Variants in BTRC observed in about 807,000 individuals in gnomAD.
The protein encoded by BTRC is F-box/WD repeat-containing protein 1A.
In BTRC, 42 loss-of-function variants were observed where a neutral mutation model predicts 85.5. The observed-to-expected ratio is 0.49, with a 90% CI of 0.38 to 0.64. BTRC has a LOEUF of 0.64. BTRC is among the 30% of genes least tolerant of loss of function. The probability of loss-of-function intolerance (pLI) is 0.00; values close to 1 mark genes in which losing one functional copy is unlikely to be tolerated. For missense variants in BTRC, 594 were observed against 743.5 expected (o/e 0.80, Z 2.34); for synonymous variants, 255 against 263.3 (o/e 0.97, Z 0.30).
chr10:101,544,531 C>T (rs1304015798), intron 13 of BTRC, among the ~76,000 whole-genome samples: 7 of 151,862 alleles, frequency 4.6e-5, no homozygotes, highest in Admixed American at 4.6e-4. Flanking sequence ...TGACAGCTTC[C>T]CACATAGCTG....
chr10:101,520,829 G>A (rs999704839), intron 4 of BTRC, among the ~76,000 whole-genome samples: 1 of 152,080 alleles, frequency 6.6e-6, no homozygotes, highest in African/African-American at 2.4e-5. Flanking sequence ...GTGGTGGTGG[G>A]CACCTGTAGT....
At chr10:101,503,420 A>C (rs1403519234) in intron 4 of BTRC, among the ~76,000 whole-genome samples, 1 of 152,194 alleles carries the variant, frequency 6.6e-6, no homozygotes, top group Admixed American at 6.5e-5. Flanking sequence ...TGAAATCTGA[A>C]CTTTACTAAC....
At chr10:101,416,355 C>T (rs1234516810) in intron 1 of BTRC, among the ~76,000 whole-genome samples, 1 of 152,018 alleles carries the variant, frequency 6.6e-6, no homozygotes, top group Non-Finnish European at 1.5e-5. Flanking sequence ...GCTTTGAATG[C>T]TTCGTAATTA....
chr10:101,429,525 TTCC>T lies in BTRC; in HGVS notation c.49-800_49-798del, dbSNP rs751713820. Reference sequence around the variant, plus strand: ...CCCCTCCCCCCCTCCCCTCCCTCCCTTCCTCCTCCTCCTCCTCCTCCTTTTTCT... The same window carrying T: ...CCCCTCCCCCCCTCCCCTCCCTCCCTTCCTCCTCCTCCTCCTCCTTTTTCT... On this transcript the variant is annotated intron_variant, in intron 1 of 14. Coordinates refer to ENST00000370187, the MANE Select transcript of BTRC (RefSeq NM_033637.4). Among the ~76,000 whole-genome samples, 478 of 71,136 alleles carry T rather than the reference TTCC, an allele frequency of 6.7e-3. 7 individuals are homozygous for T. Among genetic ancestry groups the T allele is most frequent in the African/African-American group, 0.022 (403 of 18,060 alleles). The allele number at this position is 71,136 out of a possible 152,430, so 46.7% of individuals were successfully genotyped here.
chr10:101,450,443 G>A (rs1944930438), intron 2 of BTRC, among the ~76,000 whole-genome samples: 1 of 152,126 alleles, frequency 6.6e-6, no homozygotes, highest in Non-Finnish European at 1.5e-5. Context: ...GTCACTCCCT[G>A]GTGCAGTTCA....
chr10:101,358,825 C>A (rs1942117617), intron 1 of BTRC, among the ~76,000 whole-genome samples: 1 of 152,210 alleles, frequency 6.6e-6, no homozygotes. Flanking sequence ...CACTGTGGGT[C>A]AAAGCCAGTC....
chr10:101,413,769 A>C (rs1943849135), intron 1 of BTRC, among the ~76,000 whole-genome samples: 1 of 152,214 alleles, frequency 6.6e-6, no homozygotes, highest in South Asian at 2.1e-4. Context: ...CTTTGTTTCT[A>C]ATCTTCTCTT....
chr10:101,499,271 C>T (rs1440549505), intron 4 of BTRC, among the ~76,000 whole-genome samples: 1 of 151,644 alleles, frequency 6.6e-6, no homozygotes, highest in Middle Eastern at 3.2e-3. Context: ...ACAGGAGTCT[C>T]GTTCTGTCGG....
In BTRC at chr10:101,555,392, G is replaced by A. The variant is rs1271219039; in HGVS notation, c.*2269G>A. The A allele has an allele frequency of 6.6e-6, 1 of 152,666 alleles. No individual in the cohort carries two copies. Among genetic ancestry groups the A allele is most frequent in the Non-Finnish European group, 1.5e-5 (1 of 68,046 alleles). 9.5% of individuals were successfully genotyped at this position (152,666 alleles called of 1,614,324 possible). A position where few individuals can be genotyped will look rare whatever the true frequency, so the allele number is the denominator to read the frequency against. ...TGTTTCTAAGACTGTTTTGAGACAT[G>A]TCCAGTACATCACAAAGGAGATCGG... On this transcript the variant is annotated 3_prime_UTR_variant, in exon 15 of 15. Coordinates refer to ENST00000370187, the MANE Select transcript of BTRC (RefSeq NM_033637.4).
chr10:101,364,704 G>T (rs1942312380), intron 1 of BTRC: 1 of 152,042 alleles, frequency 6.6e-6, no homozygotes. Flanking sequence ...CTGTTAATGT[G>T]GTTATTTGTG....
At chr10:101,389,610 CTTTTTTTTT>C (rs34480405) in intron 1 of BTRC, among the ~76,000 whole-genome samples, 8 of 62,520 alleles carry the variant, frequency 1.3e-4, no homozygotes, top group Admixed American at 4.9e-4. Context: ...TGCCAAACAC[CTTTTTTTTT>C]TTTTTTTTTT....
rs759986126 is a variant in BTRC, at chr10:101,555,576, A to G, written c.*2453A>G. ...GGGGTCATTTACCAGTTTGTTGTAG[A>G]AGAAATAATCAGGTAAGTTAAAAGT... On this transcript the variant is annotated 3_prime_UTR_variant, in exon 15 of 15. Transcript: ENST00000370187. 2.0e-5 allele frequency: 3 copies of G among 152,578 alleles called. No homozygotes were observed. Among genetic ancestry groups the G allele is most frequent in the Non-Finnish European group, 4.4e-5 (3 of 68,042 alleles). The allele number at this position is 152,578 out of a possible 1,614,324, so 9.5% of individuals were successfully genotyped here.
At chr10:101,358,033 AAAACACAC>A (rs1262734961) in intron 1 of BTRC, among the ~76,000 whole-genome samples, 1 of 152,168 alleles carries the variant, frequency 6.6e-6, no homozygotes, top group Admixed American at 6.5e-5. Flanking sequence ...TATAGACCCC[AAAACACAC>A]AAACACACAC....
At chr10:101,457,782 T>A (rs1274506535) in intron 2 of BTRC, among the ~76,000 whole-genome samples, 1 of 152,202 alleles carries the variant, frequency 6.6e-6, no homozygotes, top group Non-Finnish European at 1.5e-5. Context: ...TTCACTTAAC[T>A]TTTCTCCCAT....
chr10:101,395,175 T>G (rs1313218052), intron 1 of BTRC, among the ~76,000 whole-genome samples: 2 of 152,140 alleles, frequency 1.3e-5, no homozygotes, highest in South Asian at 2.1e-4. Flanking sequence ...TTTCCTGAGG[T>G]TTCCTACCAA....
intron 1 of BTRC, among the ~76,000 whole-genome samples, chr10:101,370,439 T>C (rs1942601064): frequency 6.6e-6 from 1 of 152,172 alleles, no homozygotes; most frequent in African/African-American, 2.4e-5. Flanking sequence ...GATGGTACTC[T>C]GTCATCCTGT....
At chr10:101,505,647 T>A (rs12414236) in intron 4 of BTRC, among the ~76,000 whole-genome samples, 54,922 of 149,806 alleles carry the variant, frequency 0.37, 11,218 homozygotes, top group Middle Eastern at 0.48. Flanking sequence ...AAAATAATAA[T>A]AAAAAAACAA....
At chr10:101,506,426 A>G (rs1053472475) in intron 4 of BTRC, among the ~76,000 whole-genome samples, 16 of 152,028 alleles carry the variant, frequency 1.1e-4, no homozygotes, top group African/African-American at 3.6e-4. Context: ...TAATATTTCA[A>G]TATTAGAGTG....
intron 4 of BTRC, among the ~76,000 whole-genome samples, chr10:101,499,523 T>C (rs1946351389): frequency 6.6e-6 from 1 of 151,962 alleles, no homozygotes; most frequent in Admixed American, 6.6e-5. Flanking sequence ...CCACCATGCT[T>C]GGCCACTATG....
Sources: allele counts gnomAD v4.1 joint callset (sites outside exome capture counted in the v4.1 genomes callset), GRCh38; gene constraint gnomAD v4.1.1; transcripts MANE v1.5; gene names NCBI Gene and HGNC (gene_info 2026-07-23, HGNC 2026-07-21).